The following DNAH11 variants were observed in gnomAD, a reference collection of about 807,000 sequenced individuals.
DNAH11 encodes dynein axonemal heavy chain 11.
Under a neutral mutation model 526.0 loss-of-function variants are expected in DNAH11, and 442 were observed. The observed-to-expected ratio is 0.84, with a 90% confidence interval of 0.78 to 0.91. The LOEUF is 0.91. Ranked by LOEUF, DNAH11 falls within the 40% of genes least tolerant of loss-of-function variation. The probability of loss-of-function intolerance (pLI) is 0.00; values close to 1 mark genes in which losing one functional copy is unlikely to be tolerated. For missense variants in DNAH11, 6,989 were observed against 5,448.7 expected (o/e 1.28, Z -8.90); for synonymous variants, 2,461 against 1,935.9 (o/e 1.27, Z -7.12).
At chr7:21,569,882 A>G (rs1480612817) in intron 6 of DNAH11, among the ~76,000 whole-genome samples, 187 bp from the exon 7 acceptor site, 1 of 152,212 alleles carries the variant, frequency 6.6e-6, no homozygotes, top group Non-Finnish European at 1.5e-5. Context: ...ATGTAATTCT[A>G]ACTTATACAA....
At chr7:21,717,394 C>A (rs914674389) in intron 42 of DNAH11, among the ~76,000 whole-genome samples, 5 of 151,992 alleles carry the variant, frequency 3.3e-5, no homozygotes, top group African/African-American at 9.7e-5. Context: ...ATAATTGATG[C>A]CAAGATTAAT....
chr7:21,653,726 CTCTA>C (rs1781888335), intron 28 of DNAH11, among the ~76,000 whole-genome samples: 1 of 152,178 alleles, frequency 6.6e-6, no homozygotes, highest in Non-Finnish European at 1.5e-5. Flanking sequence ...GCAGCTACCG[CTCTA>C]TCTGTGTTTA....
At chr7:21,618,044 G>A (rs911596463) in intron 23 of DNAH11, 4 of 299,992 alleles carry the variant, frequency 1.3e-5, no homozygotes, top group Admixed American at 4.7e-5. Context: ...TGGTGTCCAC[G>A]TTCAGTACAC....
chr7:21,706,782 G>A (rs559539566), intron 39 of DNAH11, among the ~76,000 whole-genome samples: 11 of 152,280 alleles, frequency 7.2e-5, no homozygotes, highest in African/African-American at 2.2e-4. Context: ...TTTGCCAATT[G>A]TTTATCAGTT....
rs771504412 is a variant in DNAH11, at chr7:21,861,954, C to G, written c.11304C>G (p.Val3768=). ...TGATGGAGAGCATCACCCATGCTGT[C>G]TTCCTCTACACCAGCCAGGCGCTGT... is the stretch of plus-strand genomic sequence containing the variant. ...SILMESITHA[V]FLYTSQALFE... Residue 3768 remains valine (V), a synonymous_variant, in exon 69 of 82, where the codon GTC becomes GTG. Transcript: ENST00000409508. The G allele has an allele frequency of 1.2e-5, 19 of 1,613,788 alleles. No individual in the cohort carries two copies. The East Asian group carries it at 3.3e-4, about 28-fold the overall frequency.
chr7:21,574,512 C>T (rs370650494), intron 8 of DNAH11, among the ~76,000 whole-genome samples: 2 of 151,866 alleles, frequency 1.3e-5, no homozygotes, highest in African/African-American at 4.8e-5. Context: ...GAACTCTCAA[C>T]CACAAGCCCT....
At chr7:21,749,879 G>C (rs1365314625) in intron 53 of DNAH11, 78 bp downstream of exon 53, 2 of 1,586,744 alleles carry the variant, frequency 1.3e-6, no homozygotes, top group African/African-American at 2.7e-5. Flanking sequence ...TTTAAAGAGA[G>C]AGAATTCGTC....
At chr7:21,644,927 C>T (rs1186592193) in intron 28 of DNAH11, among the ~76,000 whole-genome samples, 1 of 152,234 alleles carries the variant, frequency 6.6e-6, no homozygotes, top group Non-Finnish European at 1.5e-5. Context: ...TGATTATCTT[C>T]TCAAAATGAT....
chr7:21,576,303 CACG>C (rs1490720631), intron 8 of DNAH11, among the ~76,000 whole-genome samples: 1 of 152,186 alleles, frequency 6.6e-6, no homozygotes, highest in Non-Finnish European at 1.5e-5. Context: ...CCTCAGCAAG[CACG>C]GCGGCCACAA....
intron 8 of DNAH11, among the ~76,000 whole-genome samples, chr7:21,578,434 G>A (rs1338562998): frequency 4.6e-5 from 7 of 152,164 alleles, no homozygotes; most frequent in Non-Finnish European, 1.0e-4. Flanking sequence ...AAGGCCTTAG[G>A]CAGCTCCACC....
chr7:21,772,688 A>C (rs1363614689), intron 55 of DNAH11, among the ~76,000 whole-genome samples: 2 of 152,176 alleles, frequency 1.3e-5, no homozygotes, highest in African/African-American at 4.8e-5. Flanking sequence ...GTAATACATT[A>C]TTTCAGTTAC....
chr7:21,552,758 G>C (rs759284382), intron 2 of DNAH11, among the ~76,000 whole-genome samples: 13 of 152,198 alleles, frequency 8.5e-5, no homozygotes, highest in Non-Finnish European at 1.5e-4. Flanking sequence ...CCTATTTAAA[G>C]ACAAAGAGGT....
At chr7:21,733,873 A>G (rs1447671877) in intron 45 of DNAH11, among the ~76,000 whole-genome samples, 1 of 152,186 alleles carries the variant, frequency 6.6e-6, no homozygotes. Flanking sequence ...AGGCACAAAA[A>G]GAAGAAATAT....
chr7:21,854,426 A>C lies in DNAH11; in HGVS notation c.11173A>C (p.Ile3725Leu), dbSNP rs749450764. Residue 3725 changes from isoleucine to leucine, a missense_variant, in exon 68 of 82, where the codon ATC becomes CTC. Transcript: ENST00000409508. Reference protein sequence around the residue: ...LYFVINDLQKINPLYQFSLKA... With the variant: ...LYFVINDLQKLNPLYQFSLKA... ...TTTTGTTATTAATGACCTCCAAAAA[A>C]TCAACCCCCTCTACCAATTCTCTTT... The C allele has an allele frequency of 2.1e-5, 34 of 1,613,804 alleles. No homozygotes were observed. The highest frequency in any genetic ancestry group is 2.2e-5 in the Non-Finnish European group (26 of 1,179,860).
intron 35 of DNAH11, among the ~76,000 whole-genome samples, chr7:21,693,837 A>G (rs1024899649): frequency 2.0e-5 from 3 of 152,198 alleles, no homozygotes; most frequent in Admixed American, 1.3e-4. Context: ...AATTGACTCA[A>G]AGTTCCAGAG....
chr7:21,657,258 A>G (rs562335377), intron 29 of DNAH11, among the ~76,000 whole-genome samples: 2 of 152,308 alleles, frequency 1.3e-5, no homozygotes, highest in Non-Finnish European at 2.9e-5. Context: ...TTGAATACCT[A>G]CTATGCATCA....
intron 68 of DNAH11, among the ~76,000 whole-genome samples, chr7:21,860,946 A>T (rs1379026816): frequency 6.6e-6 from 1 of 152,146 alleles, no homozygotes; most frequent in African/African-American, 2.4e-5. Context: ...AGAGTTATTC[A>T]CTACCACCAG....
In DNAH11 at chr7:21,787,421, A is replaced by AG; in HGVS notation, c.9762_9763insG (p.Leu3255ValfsTer3). 1 of 1,607,612 alleles carries AG rather than the reference A, an allele frequency of 6.2e-7. No homozygotes were observed. Among genetic ancestry groups the AG allele is most frequent in the Non-Finnish European group, 8.5e-7 (1 of 1,177,344 alleles). On this transcript the variant is annotated frameshift_variant, in exon 60 of 82. Coordinates refer to ENST00000409508, the MANE Select transcript of DNAH11 (RefSeq NM_001277115.2). LOFTEE classifies it high-confidence loss of function. ...TGCAGGTTGATGATTTTTTGCAAGC[A>AG]TTAATTAACTATGACAAAGAGCACA...
At position 21,899,354 on chromosome 7, in the gene DNAH11, G is replaced by A; in HGVS notation, c.13068G>A (p.Leu4356=). 2 of 1,613,886 alleles carry A rather than the reference G, an allele frequency of 1.2e-6. No homozygotes were observed. Among genetic ancestry groups the A allele is most frequent in the African/African-American group, 2.7e-5 (2 of 75,004 alleles). Reference sequence around the variant, plus strand: ...AAACCAGGTTCAATGACCTCCTCCTGCGATGCCGAGAACTCGATACTTGGA... The same window carrying A: ...AAACCAGGTTCAATGACCTCCTCCTACGATGCCGAGAACTCGATACTTGGA... ...GLAQWFNDLL[L]RCRELDTWTQ... Residue 4356 remains leucine (L), a synonymous_variant, in exon 80 of 82, where the codon CTG becomes CTA. Coordinates refer to ENST00000409508, the MANE Select transcript of DNAH11 (RefSeq NM_001277115.2).
Sources: gnomAD v4.1 joint callset for allele counts (sites outside exome capture counted in the v4.1 genomes callset) on GRCh38, gnomAD v4.1.1 for gene constraint, MANE v1.5 for transcripts, NCBI Gene and HGNC (gene_info 2026-07-23, HGNC 2026-07-21) for gene names.